The following CDH4 variants were observed in gnomAD, a reference collection of about 807,000 sequenced individuals.
CDH4 encodes the protein cadherin 4.
CDH4 carries 33 observed loss-of-function variants against 86.0 expected under a neutral mutation model. The observed-to-expected ratio is 0.38, with a 90% confidence interval of 0.29 to 0.51. The LOEUF (loss-of-function observed/expected upper bound fraction) is 0.51, where lower values mean the gene tolerates loss of function less well. CDH4 is among the 20% of genes least tolerant of loss of function. CDH4 has a pLI of 0.86. For missense variants in CDH4, 1,114 were observed against 1,307.4 expected (o/e 0.85, Z 2.28); for synonymous variants, 555 against 549.4 (o/e 1.01, Z -0.14).
rs12479548 is a variant in CDH4, at chr20:61,754,948, A to C, written c.396+11159A>C. 3.5e-3 allele frequency: 536 copies of C among 152,646 alleles called. 11 individuals carry two copies. In the East Asian group the frequency reaches 0.061, roughly 17 times the overall value. 9.5% of individuals were successfully genotyped at this position (152,646 alleles called of 1,614,324 possible). ...GTCCGTTTTCACACTACTGATAAAG[A>C]CATACTCGAGACTGGGAAGAAAAAG... On this transcript the variant is annotated intron_variant, in intron 3 of 15. Transcript: ENST00000614565. This position sits in a 1 kb window ranked among gnomAD's most constrained non-coding sequence, Gnocchi z 4.7.
intron 8 of CDH4, among the ~76,000 whole-genome samples, chr20:61,901,263 ACTTC>A (rs2122892247): frequency 8.8e-6 from 1 of 114,116 alleles, no homozygotes; most frequent in East Asian, 2.6e-4. Context: ...AGGGCCTGCA[ACTTC>A]CTTCTGGTCA....
intron 8 of CDH4, among the ~76,000 whole-genome samples, chr20:61,908,580 A>C (rs1318161234): frequency 6.6e-6 from 1 of 152,212 alleles, no homozygotes; most frequent in Non-Finnish European, 1.5e-5. Flanking sequence ...TGCCTGTGGC[A>C]GACGCGGTCT....
At chr20:61,804,638 G>A (rs925439258) in intron 4 of CDH4, among the ~76,000 whole-genome samples, 1 of 152,220 alleles carries the variant, frequency 6.6e-6, no homozygotes, top group Admixed American at 6.5e-5. Flanking sequence ...CGCCTGGTGG[G>A]TGTGTCAGGT....
intron 2 of CDH4, among the ~76,000 whole-genome samples, chr20:61,649,685 A>T (rs978845785): frequency 1.3e-5 from 2 of 152,064 alleles, no homozygotes; most frequent in Non-Finnish European, 2.9e-5. Flanking sequence ...GGAAGATTGG[A>T]TATTTGGAAA....
At chr20:61,380,417 G>C (rs186070567) in intron 2 of CDH4, among the ~76,000 whole-genome samples, 1 of 152,264 alleles carries the variant, frequency 6.6e-6, no homozygotes, top group Non-Finnish European at 1.5e-5. Flanking sequence ...TCATCTCTGT[G>C]TATCCATATC....
At chr20:61,657,161 GC>G (rs1357456722) in intron 2 of CDH4, among the ~76,000 whole-genome samples, 1 of 152,214 alleles carries the variant, frequency 6.6e-6, no homozygotes, top group Non-Finnish European at 1.5e-5. Flanking sequence ...CCCACCCAGG[GC>G]TGCGTGGACA....
At chr20:61,846,502 A>G (rs1328851975) in intron 5 of CDH4, among the ~76,000 whole-genome samples, 1 of 152,108 alleles carries the variant, frequency 6.6e-6, no homozygotes, top group Non-Finnish European at 1.5e-5. Flanking sequence ...AGGGAGAGAC[A>G]CAGACACACA....
intron 9 of CDH4, among the ~76,000 whole-genome samples, chr20:61,911,785 G>A (rs34839996): frequency 3.3e-5 from 5 of 149,772 alleles, no homozygotes; most frequent in African/African-American, 7.4e-5. Flanking sequence ...AGGATATGCC[G>A]AAGCGTAAGG....
At chr20:61,581,231 C>T (rs1023833395) in intron 2 of CDH4, among the ~76,000 whole-genome samples, 2 of 152,200 alleles carry the variant, frequency 1.3e-5, no homozygotes, top group African/African-American at 2.4e-5. Flanking sequence ...CATGATGTCT[C>T]GCCATATGTA....
At chr20:61,792,079 C>A (rs1444815294) in intron 4 of CDH4, among the ~76,000 whole-genome samples, 1 of 151,952 alleles carries the variant, frequency 6.6e-6, no homozygotes, top group African/African-American at 2.4e-5. Flanking sequence ...GCCCCAGAGC[C>A]CCAGGGAGGA....
rs549094804 is a variant in CDH4 at position 61,570,573 on chromosome 20, T to G, written c.170-172990T>G. Reference sequence around the variant, plus strand: ...CATCCAAGCGTTGACTTTTGTGGCTTCCTTTACCCCATTGCTCTGCCCTTT... The same window carrying G: ...CATCCAAGCGTTGACTTTTGTGGCTGCCTTTACCCCATTGCTCTGCCCTTT... On this transcript the variant is annotated intron_variant, in intron 2 of 15. Transcript: ENST00000614565. The G allele has an allele frequency of 7.2e-4, 479 of 668,748 alleles. 8 individuals carry two copies. The highest frequency in any genetic ancestry group is 6.4e-3 in the South Asian group (406 of 63,864). 41.4% of individuals were successfully genotyped at this position (668,748 alleles called of 1,614,324 possible).
chr20:61,793,744 G>A (rs1331660478), intron 4 of CDH4, among the ~76,000 whole-genome samples: 1 of 151,798 alleles, frequency 6.6e-6, no homozygotes, highest in Non-Finnish European at 1.5e-5. Flanking sequence ...GGAGGCTGAG[G>A]CAGAGAATTG....
chr20:61,812,779 T>C lies in CDH4; in HGVS notation c.577-31889T>C, dbSNP rs1477345891. Among the ~76,000 whole-genome samples the C allele has an allele frequency of 2.0e-5, 3 of 152,196 alleles. No homozygotes were observed. In the East Asian group the frequency reaches 5.8e-4, roughly 29 times the overall value. Reference sequence around the variant, plus strand: ...TTTGTACAAAATGCTTGCAACCTCCTATCCCTCCCTCAACTACTGTATCCC... The same window carrying C: ...TTTGTACAAAATGCTTGCAACCTCCCATCCCTCCCTCAACTACTGTATCCC... On this transcript the variant is annotated intron_variant, in intron 4 of 15. Transcript: ENST00000614565.
At chr20:61,628,678 C>A (rs1047701995) in intron 2 of CDH4, among the ~76,000 whole-genome samples, 1 of 152,196 alleles carries the variant, frequency 6.6e-6, no homozygotes, top group South Asian at 2.1e-4. Flanking sequence ...CCCCGCCCAG[C>A]GGGTCTGTTG....
chr20:61,293,030 G>A (rs1011401981), intron 2 of CDH4, among the ~76,000 whole-genome samples: 1 of 152,180 alleles, frequency 6.6e-6, no homozygotes, highest in Non-Finnish European at 1.5e-5. Flanking sequence ...GGCTGGGTGT[G>A]GTCCCCACGC....
chr20:61,907,903 G>A (rs2122918129), intron 8 of CDH4, among the ~76,000 whole-genome samples: 1 of 152,276 alleles, frequency 6.6e-6, no homozygotes, highest in East Asian at 1.9e-4. Context: ...GTGTGAGGAA[G>A]GGCTCCTGCT....
In CDH4 at chr20:61,795,851, A is replaced by G. The variant is rs73308006; in HGVS notation, c.576+22669A>G. On this transcript the variant is annotated intron_variant, in intron 4 of 15. Coordinates refer to ENST00000614565, the MANE Select transcript of CDH4 (RefSeq NM_001794.5). ...CATGAGTGAATGAATGAATGAGTGA[A>G]TGAATGAATGAATGAGTGGATGGAG... Among the ~76,000 whole-genome samples, 775 of 151,636 alleles carry G rather than the reference A, an allele frequency of 5.1e-3. 12 individuals carry two copies. The highest frequency in any genetic ancestry group is 0.017 in the African/African-American group (705 of 41,230).
chr20:61,680,887 C>T (rs1394393041), intron 2 of CDH4, among the ~76,000 whole-genome samples: 3 of 152,248 alleles, frequency 2.0e-5, no homozygotes, highest in South Asian at 2.1e-4. Flanking sequence ...CCAGGGGTGG[C>T]CGCCTGTCTC....
chr20:61,690,535 G>A (rs562474711), intron 2 of CDH4, among the ~76,000 whole-genome samples: 47 of 152,246 alleles, frequency 3.1e-4, no homozygotes, highest in African/African-American at 1.1e-3. Flanking sequence ...TAGTGTCCCC[G>A]CCCAAGCATT....
Sources: allele counts gnomAD v4.1 joint callset (sites outside exome capture counted in the v4.1 genomes callset), GRCh38; gene constraint gnomAD v4.1.1; non-coding constraint Gnocchi (gnomAD v3.1); transcripts MANE v1.5; gene names NCBI Gene and HGNC (gene_info 2026-07-23, HGNC 2026-07-21).